The following SLC10A7 variants were observed in gnomAD, a reference collection of about 807,000 sequenced individuals.
The protein encoded by SLC10A7 is sodium/bile acid cotransporter 7.
Under a neutral mutation model 43.2 loss-of-function variants are expected in SLC10A7, and 29 were observed. The observed-to-expected ratio is 0.67, with a 90% CI of 0.50 to 0.92. SLC10A7 has a LOEUF of 0.92. SLC10A7 is among the 40% of genes least tolerant of loss of function. SLC10A7 has a pLI of 0.00. For synonymous variants in SLC10A7, 152 were observed against 144.8 expected (o/e 1.05, Z -0.35); for missense variants, 295 against 403.2 (o/e 0.73, Z 2.30).
At chr4:146,356,043 A>AT (rs1560829792) in intron 5 of SLC10A7, among the ~76,000 whole-genome samples, 13 of 76,104 alleles carry the variant, frequency 1.7e-4, no homozygotes, top group African/African-American at 5.2e-4. Flanking sequence ...GTATAATAAA[A>AT]AAAAAAAAAT....
At chr4:146,441,184 A>C (rs1730569251) in intron 5 of SLC10A7, among the ~76,000 whole-genome samples, 1 of 152,206 alleles carries the variant, frequency 6.6e-6, no homozygotes, top group Non-Finnish European at 1.5e-5. Context: ...AAAGTGAAGA[A>C]AAGAAAAAGA....
At position 146,300,609 on chromosome 4, in the gene SLC10A7, C is replaced by T. The variant is rs535568809; in HGVS notation, c.555+5317G>A. Among the ~76,000 whole-genome samples, 106 of 152,336 alleles carry T rather than the reference C, an allele frequency of 7.0e-4. No homozygotes were observed. The Middle Eastern group carries it at 0.01, about 15-fold the overall frequency. ...TGCAGCAGCACTTATATAATAACAT[C>T]TACTCAGATGTGTGGCTCTATCATT... On this transcript the variant is annotated intron_variant, in intron 7 of 11. Transcript: ENST00000335472.
At chr4:146,427,550 T>C (rs895116594) in intron 5 of SLC10A7, among the ~76,000 whole-genome samples, 2 of 152,102 alleles carry the variant, frequency 1.3e-5, no homozygotes, top group African/African-American at 2.4e-5. Context: ...GATTCAACCA[T>C]CTTTGAGGAA....
chr4:146,373,066 C>G (rs1736906523), intron 5 of SLC10A7, among the ~76,000 whole-genome samples: 1 of 152,126 alleles, frequency 6.6e-6, no homozygotes, highest in African/African-American at 2.4e-5. Context: ...TTTGTAGCTT[C>G]TTAGTGCACC....
chr4:146,456,741 C>A (rs560756092), intron 4 of SLC10A7, among the ~76,000 whole-genome samples: 2 of 151,990 alleles, frequency 1.3e-5, no homozygotes, highest in South Asian at 4.2e-4. Flanking sequence ...TTGATTAAAT[C>A]ACGGATCACA....
At chr4:146,313,046 C>T (rs980432443) in intron 6 of SLC10A7, among the ~76,000 whole-genome samples, 2 of 152,152 alleles carry the variant, frequency 1.3e-5, no homozygotes, top group African/African-American at 4.8e-5. Flanking sequence ...AACCAAAGGA[C>T]CTGCTATTGC....
At chr4:146,290,278 T>G (rs1303569289) in intron 9 of SLC10A7, among the ~76,000 whole-genome samples, 1 of 142,772 alleles carries the variant, frequency 7.0e-6, no homozygotes, top group South Asian at 2.3e-4. Context: ...GAACCGAGAT[T>G]GTGCCACTGC....
rs112311037 is a variant in SLC10A7, at chr4:146,298,732, C to T, written c.556-4637G>A. On this transcript the variant is annotated intron_variant, in intron 7 of 11. Coordinates refer to ENST00000335472, the MANE Select transcript of SLC10A7 (RefSeq NM_001029998.6). ...AAAGAAGAGAAAATGCTATGACAGC[C>T]GGCACAAATTTTCTTTCTTTCTAGA... Among the ~76,000 whole-genome samples, 404 of 152,260 alleles carry T rather than the reference C, an allele frequency of 2.7e-3. 1 individual carries two copies. Among genetic ancestry groups the T allele is most frequent in the South Asian group, 6.4e-3 (31 of 4,830 alleles).
At chr4:146,476,340 C>T (rs1392655638) in intron 4 of SLC10A7, among the ~76,000 whole-genome samples, 6 of 152,116 alleles carry the variant, frequency 3.9e-5, no homozygotes, top group Admixed American at 2.6e-4. Context: ...GTAAATAAGG[C>T]GGAGGCGAGA....
At chr4:146,446,737 G>C (rs868149337) in intron 4 of SLC10A7, among the ~76,000 whole-genome samples, 1 of 145,798 alleles carries the variant, frequency 6.9e-6, no homozygotes, top group Non-Finnish European at 1.5e-5. Context: ...AGGGTGAGAA[G>C]GTTTATCTAT....
At chr4:146,323,322 G>A (rs1479738798) in intron 6 of SLC10A7, among the ~76,000 whole-genome samples, 1 of 152,178 alleles carries the variant, frequency 6.6e-6, no homozygotes, top group Non-Finnish European at 1.5e-5. Flanking sequence ...GAATGGTACT[G>A]CCTAGGAGGT....
At chr4:146,407,239 A>G (rs1727783041) in intron 5 of SLC10A7, among the ~76,000 whole-genome samples, 1 of 152,194 alleles carries the variant, frequency 6.6e-6, no homozygotes, top group Admixed American at 6.5e-5. Context: ...GGTATAATTG[A>G]TATACAAATA....
At chr4:146,407,412 C>T (rs1300798533) in intron 5 of SLC10A7, among the ~76,000 whole-genome samples, 1 of 152,162 alleles carries the variant, frequency 6.6e-6, no homozygotes, top group Non-Finnish European at 1.5e-5. Context: ...GAGATCTACG[C>T]TCTTTACAAA....
intron 10 of SLC10A7, among the ~76,000 whole-genome samples, chr4:146,275,380 G>T (rs1729143609): frequency 6.6e-6 from 1 of 152,160 alleles, no homozygotes; most frequent in African/African-American, 2.4e-5. Context: ...CATAGCCAGT[G>T]GACCACAGGG....
chr4:146,442,225 A>G, intron 5 of SLC10A7: 1 of 936,680 alleles, frequency 1.1e-6, no homozygotes. Flanking sequence ...AAGCTGAACT[A>G]CTTTTGAATC....
At chr4:146,519,097 ATATATATATATATAT>A (rs748044301) in intron 1 of SLC10A7, among the ~76,000 whole-genome samples, 6,816 of 78,576 alleles carry the variant, frequency 0.087, 778 homozygotes, top group Admixed American at 0.16. Flanking sequence ...ATATATATAT[ATATATATATATATAT>A]AATATAATAT....
chr4:146,418,553 A>G (rs1310036657), intron 5 of SLC10A7, among the ~76,000 whole-genome samples: 2 of 152,124 alleles, frequency 1.3e-5, no homozygotes, highest in Non-Finnish European at 2.9e-5. Context: ...AAAGCTAAAG[A>G]TTTTTTTTAA....
At chr4:146,272,032 C>T (rs1728930764) in intron 10 of SLC10A7, among the ~76,000 whole-genome samples, 1 of 152,048 alleles carries the variant, frequency 6.6e-6, no homozygotes, top group South Asian at 2.1e-4. Flanking sequence ...CTGCTTATTC[C>T]CACTAGAAAT....
chr4:146,295,518 T>G (rs781371858), intron 7 of SLC10A7, among the ~76,000 whole-genome samples: 19 of 152,136 alleles, frequency 1.2e-4, no homozygotes, highest in Non-Finnish European at 2.2e-4. Context: ...AACACAGTGA[T>G]GTACAGAAAA....
Sources: allele counts gnomAD v4.1 joint callset (sites outside exome capture counted in the v4.1 genomes callset), GRCh38; gene constraint gnomAD v4.1.1; transcripts MANE v1.5; gene names NCBI Gene and HGNC (gene_info 2026-07-23, HGNC 2026-07-21).